Variants in CYRIA observed in about 807,000 individuals in gnomAD.
The protein encoded by CYRIA is CYFIP-related Rac1 interactor A.
CYRIA carries 15 observed loss-of-function variants against 43.9 expected under a neutral mutation model. That is an observed-to-expected ratio of 0.34 (90% CI 0.23 to 0.53). The LOEUF is 0.53. Ranked by LOEUF, CYRIA falls within the 20% of genes least tolerant of loss-of-function variation. The pLI, the probability that CYRIA is intolerant of heterozygous loss-of-function variation, is 0.94. For missense variants in CYRIA, 236 were observed against 394.2 expected (o/e 0.60, Z 3.40); for synonymous variants, 117 against 136.0 (o/e 0.86, Z 0.97).
intron 2 of CYRIA, among the ~76,000 whole-genome samples, chr2:16,609,863 G>A (rs1394324072): frequency 6.6e-6 from 1 of 152,144 alleles, no homozygotes; most frequent in African/African-American, 2.4e-5. Context: ...CACTCTTACT[G>A]GTCAGAGAAT....
intron 9 of CYRIA, chr2:16,560,774 G>A (rs1480468748): frequency 3.5e-6 from 2 of 569,628 alleles, no homozygotes; most frequent in South Asian, 4.1e-5. Flanking sequence ...TGCAGTTGTT[G>A]GGAAGTCAGT....
intron 3 of CYRIA, among the ~76,000 whole-genome samples, chr2:16,571,091 A>G (rs1667112189): frequency 6.6e-6 from 1 of 152,184 alleles, no homozygotes; most frequent in African/African-American, 2.4e-5. Flanking sequence ...TACTGTGGAA[A>G]GTTTGAAAAT....
chr2:16,600,396 T>A (rs1254836941), intron 2 of CYRIA, among the ~76,000 whole-genome samples: 2 of 152,146 alleles, frequency 1.3e-5, no homozygotes, highest in Non-Finnish European at 2.9e-5. Flanking sequence ...AGTTTCTTCT[T>A]CCTCCTTTGG....
intron 2 of CYRIA, among the ~76,000 whole-genome samples, chr2:16,618,658 T>C (rs745650987): frequency 2.6e-5 from 4 of 152,144 alleles, no homozygotes; most frequent in African/African-American, 4.8e-5. Flanking sequence ...TTATGCCAAC[T>C]AGAACTGAGG....
At chr2:16,631,949 C>T (rs1389653036) in intron 1 of CYRIA, among the ~76,000 whole-genome samples, 2 of 152,164 alleles carry the variant, frequency 1.3e-5, no homozygotes, top group South Asian at 2.1e-4. Context: ...CCCTCATGTA[C>T]CCAAAGGCCA....
At chr2:16,620,341 G>A (rs1287092479) in intron 2 of CYRIA, among the ~76,000 whole-genome samples, 1 of 152,174 alleles carries the variant, frequency 6.6e-6, no homozygotes, top group Non-Finnish European at 1.5e-5. Context: ...CAAAACTTAT[G>A]TTCTAACCAT....
rs866643238 is a variant in CYRIA at position 16,593,725 on chromosome 2, T to G, written c.-10-5596A>C. On this transcript the variant is annotated intron_variant, in intron 2 of 11. Transcript: ENST00000381323. ...TTTTTTTTGTGTGTGTGTGTTTTTT[T>G]TTTTTTTTTTTTTATTATACTCTAA... is the stretch of plus-strand genomic sequence containing the variant. 5.5e-3 allele frequency among the ~76,000 whole-genome samples: 775 copies of G among 141,392 alleles called. 20 individuals are homozygous for G. Among genetic ancestry groups the G allele is most frequent in the African/African-American group, 0.019 (739 of 38,056 alleles). The allele number at this position is 141,392 out of a possible 152,430, so 92.8% of individuals were successfully genotyped here.
At chr2:16,640,502 T>C (rs778851838) in intron 1 of CYRIA, among the ~76,000 whole-genome samples, 3 of 152,158 alleles carry the variant, frequency 2.0e-5, no homozygotes, top group Non-Finnish European at 4.4e-5. Flanking sequence ...GCTGGTTTTC[T>C]AGGGAAAATG....
intron 2 of CYRIA, among the ~76,000 whole-genome samples, chr2:16,602,641 T>C (rs965642012): frequency 1.3e-5 from 2 of 152,074 alleles, no homozygotes; most frequent in East Asian, 1.9e-4. Context: ...TTAATCTGAA[T>C]ACACTCCATA....
chr2:16,550,582 C>A lies in CYRIA; in HGVS notation c.*2354G>T, dbSNP rs1466072040. The A allele has an allele frequency of 1.3e-5, 2 of 152,128 alleles. No homozygotes were observed. Among genetic ancestry groups the A allele is most frequent in the African/African-American group, 4.8e-5 (2 of 41,432 alleles). The allele number at this position is 152,128 out of a possible 1,614,324, so 9.4% of individuals were successfully genotyped here. On this transcript the variant is annotated 3_prime_UTR_variant, in exon 12 of 12. Coordinates refer to ENST00000381323, the MANE Select transcript of CYRIA (RefSeq NM_030797.4). ...AATTGAGGCAGGACAGCAGCCCCTT[C>A]CATATGTTTGGTCCCATTTGATAGA...
At chr2:16,638,266 CCAT>C (rs1330098731) in intron 1 of CYRIA, among the ~76,000 whole-genome samples, 1 of 152,168 alleles carries the variant, frequency 6.6e-6, no homozygotes, top group Non-Finnish European at 1.5e-5. Flanking sequence ...TATGGTACCT[CCAT>C]CTTGTTTGCT....
At chr2:16,616,236 G>A (rs1447762037) in intron 2 of CYRIA, among the ~76,000 whole-genome samples, 2 of 152,196 alleles carry the variant, frequency 1.3e-5, no homozygotes, top group Non-Finnish European at 2.9e-5. Context: ...GGGCAAAGTG[G>A]AGGGATCTGC....
At chr2:16,560,321 T>G (rs1490758346) in intron 9 of CYRIA, among the ~76,000 whole-genome samples, 1 of 152,128 alleles carries the variant, frequency 6.6e-6, no homozygotes, top group Admixed American at 6.6e-5. Context: ...GCTATCAGAT[T>G]TTATAAGGTA....
At chr2:16,628,103 A>T (rs1379276645) in intron 1 of CYRIA, among the ~76,000 whole-genome samples, 3 of 152,202 alleles carry the variant, frequency 2.0e-5, no homozygotes, top group Non-Finnish European at 4.4e-5. Context: ...GACAGGGGTC[A>T]TCTCTCACCA....
chr2:16,565,907 G>A (rs1666913199), intron 3 of CYRIA, 140 bp from the exon 4 acceptor site: 4 of 723,838 alleles, frequency 5.5e-6, no homozygotes, highest in Non-Finnish European at 7.8e-6. Flanking sequence ...CTAATAAGCT[G>A]CTAGGATGCT....
At chr2:16,642,020 C>T (rs1344136271) in intron 1 of CYRIA, among the ~76,000 whole-genome samples, 1 of 152,140 alleles carries the variant, frequency 6.6e-6, no homozygotes, top group Non-Finnish European at 1.5e-5. Context: ...TTGGTTGCCT[C>T]TTTCTCTTTT....
At chr2:16,644,906 G>A (rs943599438) in intron 1 of CYRIA, among the ~76,000 whole-genome samples, 2 of 152,118 alleles carry the variant, frequency 1.3e-5, no homozygotes, top group African/African-American at 4.8e-5. Flanking sequence ...CATAGCAGAC[G>A]GCAGCTGATT....
At chr2:16,665,137 TG>T (rs1334384337) in intron 1 of CYRIA, among the ~76,000 whole-genome samples, 4 of 152,296 alleles carry the variant, frequency 2.6e-5, no homozygotes, top group Admixed American at 2.6e-4. Context: ...AAAGCATGGC[TG>T]GCCTGGGACC....
At chr2:16,662,846 T>A (rs555498337) in intron 1 of CYRIA, among the ~76,000 whole-genome samples, 232 of 152,322 alleles carry the variant, frequency 1.5e-3, no homozygotes, top group Non-Finnish European at 3.0e-3. Context: ...AGCCTGCCCT[T>A]CCTTTTATCA....
Sources: gnomAD v4.1 joint callset for allele counts (sites outside exome capture counted in the v4.1 genomes callset) on GRCh38, gnomAD v4.1.1 for gene constraint, MANE v1.5 for transcripts, NCBI Gene and HGNC (gene_info 2026-07-23, HGNC 2026-07-21) for gene names.